The following ARF3 variants were observed in gnomAD, a reference collection of about 807,000 sequenced individuals.
ARF3 encodes the protein ADP-ribosylation factor 3.
Under a neutral mutation model 19.3 loss-of-function variants are expected in ARF3, and 5 were observed. The ratio of observed to expected loss-of-function variants is 0.26; its 90% confidence interval spans 0.14 to 0.54. The LOEUF is 0.54. Ranked by LOEUF, ARF3 falls within the 20% of genes least tolerant of loss-of-function variation. The pLI is 0.95. For missense variants in ARF3, 77 were observed against 234.2 expected (o/e 0.33, Z 4.38); for synonymous variants, 71 against 89.2 (o/e 0.80, Z 1.15).
At chr12:48,948,500 C>T (rs929535485) in intron 1 of ARF3, among the ~76,000 whole-genome samples, 2 of 151,968 alleles carry the variant, frequency 1.3e-5, no homozygotes, top group South Asian at 2.1e-4. Flanking sequence ...AAACGATCCT[C>T]CAGTCTCAGC....
chr12:48,946,389 T>A (rs878902490), intron 1 of ARF3, among the ~76,000 whole-genome samples: 1 of 152,204 alleles, frequency 6.6e-6, no homozygotes, highest in Admixed American at 6.5e-5. Flanking sequence ...CTATAGTTAC[T>A]CTCTTTCACC....
At chr12:48,950,837 G>C (rs982071433) in intron 1 of ARF3, among the ~76,000 whole-genome samples, 1 of 151,956 alleles carries the variant, frequency 6.6e-6, no homozygotes, top group African/African-American at 2.4e-5. Context: ...CCAGGCTAGA[G>C]TGCAATGGCG....
At position 48,938,541 on chromosome 12, in the gene ARF3, G is replaced by A. The variant is rs530894623; in HGVS notation, c.*406C>T. ...TTTCCATGTAAAACAGGGAGAGGGTGGCAAAGGAAAGGCAAACAGGGAGTA... is the reference window on the plus strand; with the variant it reads ...TTTCCATGTAAAACAGGGAGAGGGTAGCAAAGGAAAGGCAAACAGGGAGTA... On this transcript the variant is annotated 3_prime_UTR_variant, in exon 5 of 5. Coordinates refer to ENST00000256682, the MANE Select transcript of ARF3 (RefSeq NM_001659.3). 8.8e-5 allele frequency: 40 copies of A among 455,808 alleles called. No individual in the cohort carries two copies. The highest frequency in any genetic ancestry group is 6.8e-4 in the African/African-American group (34 of 50,196). The allele number at this position is 455,808 out of a possible 1,614,324, so 28.2% of individuals were successfully genotyped here.
Position 48,938,763 on chromosome 12 carries a change from T to C in ARF3, c.*184A>G, listed in dbSNP as rs117828963. The stretch of plus-strand genomic sequence containing the variant: ...TCATCATCAGGACAGCAATTAGGGA[T>C]TGGTCATATAGGTGGACAGGAAAAA... On this transcript the variant is annotated 3_prime_UTR_variant, in exon 5 of 5. Transcript: ENST00000256682. 1.2e-3 allele frequency: 804 copies of C among 679,826 alleles called. 9 individuals carry two copies. The East Asian group carries it at 0.018, about 15-fold the overall frequency. The allele number at this position is 679,826 out of a possible 1,614,324, so 42.1% of individuals were successfully genotyped here.
intron 1 of ARF3, among the ~76,000 whole-genome samples, chr12:48,947,141 T>A (rs867286630): frequency 2.6e-5 from 4 of 152,316 alleles, no homozygotes; most frequent in Middle Eastern, 3.4e-3. Context: ...GTTTTCTTGG[T>A]GCAGCTGGCT....
rs1229858419 is a variant in ARF3 at position 48,947,831 on chromosome 12, T to TA, written c.-93-6644dup. Among the ~76,000 whole-genome samples, 3 of 152,234 alleles carry TA rather than the reference T, an allele frequency of 2.0e-5. No individual in the cohort carries two copies. In the East Asian group the frequency reaches 5.8e-4, roughly 29 times the overall value. The stretch of plus-strand genomic sequence containing the variant: ...ATTCTGAAACCTAATTCTCAGGTCA[T>TA]ACCTGAGCTGGCTCCTAAAGGAAGA... On this transcript the variant is annotated intron_variant, in intron 1 of 4. Coordinates refer to ENST00000256682, the MANE Select transcript of ARF3 (RefSeq NM_001659.3).
At chr12:48,948,042 C>CAA (rs768612497) in intron 1 of ARF3, among the ~76,000 whole-genome samples, 11 of 73,198 alleles carry the variant, frequency 1.5e-4, no homozygotes, top group Non-Finnish European at 2.5e-4. Context: ...CCCATCGCTA[C>CAA]AAAAAAAAAA....
chr12:48,955,563 T>G (rs909528595), intron 1 of ARF3: 1 of 152,234 alleles, frequency 6.6e-6, no homozygotes, highest in Non-Finnish European at 1.5e-5. Flanking sequence ...TAAGGGTCTT[T>G]GTACCCTTGC....
rs766095974 is a variant in ARF3, at chr12:48,938,910, G to A, written c.*37C>T. 18 of 1,602,816 alleles carry A rather than the reference G, an allele frequency of 1.1e-5. No individual in the cohort carries two copies. The South Asian group carries it at 2.0e-4, about 18-fold the overall frequency. ...GGGCAGGGTGACAGTAGGTATGTCA[G>A]GGGTGGGTGGGGTGCTTTGTTAGGG... On this transcript the variant is annotated 3_prime_UTR_variant, in exon 5 of 5. Transcript: ENST00000256682.
At chr12:48,949,988 G>C (rs1437838238) in intron 1 of ARF3, among the ~76,000 whole-genome samples, 1 of 152,184 alleles carries the variant, frequency 6.6e-6, no homozygotes, top group African/African-American at 2.4e-5. Flanking sequence ...TGTCAGAGCA[G>C]AAAAATGGGA....
At chr12:48,951,685 G>C (rs1251734114) in intron 1 of ARF3, among the ~76,000 whole-genome samples, 4 of 152,100 alleles carry the variant, frequency 2.6e-5, no homozygotes, top group African/African-American at 9.7e-5. Context: ...TTCGAGACCA[G>C]CCTAACCAAC....
Position 48,939,216 on chromosome 12 carries a change from A to G in ARF3, c.385-108T>C. The G allele has an allele frequency of 7.8e-7, 1 of 1,275,036 alleles. No individual in the cohort carries two copies. 79.0% of individuals were successfully genotyped at this position (1,275,036 alleles called of 1,614,324 possible). A position where few individuals can be genotyped will look rare whatever the true frequency, so the allele number is the denominator to read the frequency against. The stretch of plus-strand genomic sequence containing the variant: ...TACCAGCACCTTCCCCTCCTCCTTT[A>G]TTTTAGGAAACCCAGAACAAGATCC... On this transcript the variant is annotated intron_variant, in intron 4 of 4. Coordinates refer to ENST00000256682, the MANE Select transcript of ARF3 (RefSeq NM_001659.3). The surrounding 1 kb of genome is among the most constrained non-coding windows in gnomAD (Gnocchi z 4.8).
intron 1 of ARF3, among the ~76,000 whole-genome samples, chr12:48,947,123 C>T (rs1357982028): frequency 2.0e-5 from 3 of 152,104 alleles, no homozygotes; most frequent in Non-Finnish European, 2.9e-5. Context: ...AGAGTACGCC[C>T]GTACTGAGTT....
Position 48,940,078 on chromosome 12 carries a change from T to C in ARF3, c.178A>G (p.Asn60Asp). Residue 60 changes from asparagine (N) to aspartate (D), a missense_variant, in exon 3 of 5, where the codon AAC (asparagine) becomes GAC (aspartate). This residue lies in a region of ARF3 where 15 missense variants were observed against 96.6 expected (regional missense o/e 0.16). Transcript: ENST00000256682. The stretch of plus-strand genomic sequence containing the variant: ...ACATCCCACACTGTAAAGCTGATGT[T>C]CTTATACTCCACTGTCTCCACATTG... ...GFNVETVEYKNISFTVWDVGG... is the reference protein window; with the variant it reads ...GFNVETVEYKDISFTVWDVGG... 1 of 1,613,924 alleles carries C rather than the reference T, an allele frequency of 6.2e-7. No individual in the cohort carries two copies. The highest frequency in any genetic ancestry group is 8.5e-7 in the Non-Finnish European group (1 of 1,180,004).
At position 48,939,229 on chromosome 12, in the gene ARF3, C is replaced by T; in HGVS notation, c.385-121G>A. On this transcript the variant is annotated intron_variant, in intron 4 of 4. Transcript: ENST00000256682. This position sits in a 1 kb window ranked among gnomAD's most constrained non-coding sequence, Gnocchi z 4.8. ...CCCTCCTCCTTTATTTTAGGAAACC[C>T]AGAACAAGATCCTAAGGAGCTACTT... 8.6e-7 allele frequency: 1 copy of T among 1,165,098 alleles called. No homozygotes were observed. Among genetic ancestry groups the T allele is most frequent in the Non-Finnish European group, 1.2e-6 (1 of 842,594 alleles). The allele number at this position is 1,165,098 out of a possible 1,614,324, so 72.2% of individuals were successfully genotyped here.
intron 1 of ARF3, chr12:48,941,687 G>C (rs1940259432): frequency 6.6e-6 from 1 of 152,138 alleles, no homozygotes. Context: ...CTTTAATCAA[G>C]AGACTCTGCC....
At chr12:48,950,228 C>T (rs1940440896) in intron 1 of ARF3, among the ~76,000 whole-genome samples, 1 of 151,332 alleles carries the variant, frequency 6.6e-6, no homozygotes, top group Non-Finnish European at 1.5e-5. Context: ...ATGGGTCTTG[C>T]TCTGTCACCC....
At position 48,939,534 on chromosome 12, in the gene ARF3, T is replaced by C. The variant is rs1940213105; in HGVS notation, c.384+121A>G. The C allele has an allele frequency of 4.3e-6, 6 of 1,398,984 alleles. No homozygotes were observed. The highest frequency in any genetic ancestry group is 3.9e-6 in the Non-Finnish European group (4 of 1,022,472). 86.7% of individuals were successfully genotyped at this position (1,398,984 alleles called of 1,614,324 possible). On this transcript the variant is annotated intron_variant, in intron 4 of 4. Transcript: ENST00000256682. The surrounding 1 kb of genome is among the most constrained non-coding windows in gnomAD (Gnocchi z 4.8). ...GGCATAAAGAAGCCAAGTGCTCAGT[T>C]TCCCACGCTTCTAACATTGAGAGCA...
Position 48,938,583 on chromosome 12 carries a change from C to T in ARF3, c.*364G>A, listed in dbSNP as rs4760666. 158,905 of 456,062 alleles carry T rather than the reference C, an allele frequency of 0.35. 30,441 individuals are homozygous for T. Among genetic ancestry groups the T allele is most frequent in the Admixed American group, 0.51 (21,105 of 41,198 alleles). The allele number at this position is 456,062 out of a possible 1,614,324, so 28.3% of individuals were successfully genotyped here. Reference sequence around the variant, plus strand: ...CAGGGAGTAGAAGGGCTTGTGGGGACAGGGAAAGGACTCAGATGCCAAGAG... The same window carrying T: ...CAGGGAGTAGAAGGGCTTGTGGGGATAGGGAAAGGACTCAGATGCCAAGAG... On this transcript the variant is annotated 3_prime_UTR_variant, in exon 5 of 5. Coordinates refer to ENST00000256682, the MANE Select transcript of ARF3 (RefSeq NM_001659.3).
Sources: gnomAD v4.1 joint callset for allele counts (sites outside exome capture counted in the v4.1 genomes callset) on GRCh38, gnomAD v4.1.1 for gene constraint, gnomAD v4.1.1 regional missense constraint, Gnocchi (gnomAD v3.1) non-coding constraint, MANE v1.5 for transcripts, NCBI Gene and HGNC (gene_info 2026-07-23, HGNC 2026-07-21) for gene names.